Variants in CD81 observed in about 807,000 individuals in gnomAD.
CD81 encodes the protein CD81 antigen.
Under a neutral mutation model 30.1 loss-of-function variants are expected in CD81, and 10 were observed. The ratio of observed to expected loss-of-function variants is 0.33; its 90% CI spans 0.21 to 0.56. The LOEUF (loss-of-function observed/expected upper bound fraction) is 0.56, where lower values mean the gene tolerates loss of function less well. Among genes scored for constraint, CD81 ranks in the 20% least tolerant of loss-of-function variants. The pLI is 0.89. For synonymous variants in CD81, 147 were observed against 126.4 expected (o/e 1.16, Z -1.10); for missense variants, 263 against 308.7 (o/e 0.85, Z 1.11).
chr11:2,379,101 C>T, intron 1 of CD81: 1 of 452,946 alleles, frequency 2.2e-6, no homozygotes, highest in Non-Finnish European at 4.5e-6. Flanking sequence ...GGCCCTGGGA[C>T]CTCAGCCGTT....
rs1195702943 is a variant in CD81 at position 2,377,584 on chromosome 11, AC to A, written c.37del (p.Leu13CysfsTer15). 6.5e-7 allele frequency: 1 copy of A among 1,535,214 alleles called. No homozygotes were observed. The highest frequency in any genetic ancestry group is 8.8e-7 in the Non-Finnish European group (1 of 1,138,482). On this transcript the variant is annotated frameshift_variant, in exon 1 of 8. Transcript: ENST00000263645. LOFTEE classifies it high-confidence loss of function. The surrounding 1 kb of genome is among the most constrained non-coding windows in gnomAD (Gnocchi z 7.7). ...GAGGGCTGCACCAAGTGCATCAAGT[AC>A]CTGCTCTTCGTCTTCAATTTCGTCT... ...GVEGCTKCIK[Y>X]LLFVFNFVFW... is the part of the protein sequence containing the mutation.
chr11:2,395,711 G>C (rs111905443), intron 5 of CD81, 158 bp from the exon 6 acceptor site: 10 of 753,604 alleles, frequency 1.3e-5, no homozygotes, highest in African/African-American at 1.7e-5. Flanking sequence ...GGTGCGGAAA[G>C]CTCTGAGCAG....
rs1428615654 is a variant in CD81 at position 2,395,519 on chromosome 11, C to G, written c.458C>G (p.Thr153Arg). The part of the protein sequence containing the change: ...AKAVVKTFHE[T>R]LDCCGSSTLT... ...GCTGTGGTGAAGACCTTCCACGAGA[C>G]GGTGCGGCCCCGGGGGGCGAGGGCG... Residue 153 changes from threonine to arginine, a missense_variant and splice_region_variant, in exon 5 of 8, where the codon ACG becomes AGG. Coordinates refer to ENST00000263645, the MANE Select transcript of CD81 (RefSeq NM_004356.4). 6.2e-7 allele frequency: 1 copy of G among 1,611,538 alleles called. No individual in the cohort carries two copies. The highest frequency in any genetic ancestry group is 1.7e-5 in the Admixed American group (1 of 60,000).
chr11:2,390,397 C>A lies in CD81; in HGVS notation c.67-15C>A. ...TGCTCTTCGTACATGTGACACTGTT[C>A]CCGCTCTTTCCCAGCTGGCTGGAGG... On this transcript the variant is annotated splice_polypyrimidine_tract_variant and intron_variant, in intron 1 of 7. Transcript: ENST00000263645. 3 of 1,601,730 alleles carry A rather than the reference C, an allele frequency of 1.9e-6. No homozygotes were observed. The highest frequency in any genetic ancestry group is 1.7e-6 in the Non-Finnish European group (2 of 1,170,126).
chr11:2,393,848 A>G lies in CD81; in HGVS notation c.182-247A>G, dbSNP rs1166140142. On this transcript the variant is annotated intron_variant, in intron 2 of 7. Transcript: ENST00000263645. ...CCTGTCGCCAGCACTCAGAGCGCTCATGAGGTGCCCAGTCCCCATGTGGCC... is the reference window on the plus strand; with the variant it reads ...CCTGTCGCCAGCACTCAGAGCGCTCGTGAGGTGCCCAGTCCCCATGTGGCC... The G allele has an allele frequency of 4.8e-5, 32 of 669,754 alleles. No individual in the cohort carries two copies. In the East Asian group the frequency reaches 8.4e-4, roughly 18 times the overall value. The allele number at this position is 669,754 out of a possible 1,614,324, so 41.5% of individuals were successfully genotyped here.
chr11:2,392,655 G>C (rs913124991), intron 2 of CD81: 3 of 152,322 alleles, frequency 2.0e-5, no homozygotes, highest in African/African-American at 7.2e-5. Flanking sequence ...TTCCAGAATC[G>C]GCCTTCTGGA....
At chr11:2,384,334 G>C (rs1224239176) in intron 1 of CD81, among the ~76,000 whole-genome samples, 1 of 137,910 alleles carries the variant, frequency 7.3e-6, no homozygotes, top group Non-Finnish European at 1.6e-5. Flanking sequence ...GTCTCGGGAA[G>C]CGGGGCGTCT....
intron 2 of CD81, among the ~76,000 whole-genome samples, chr11:2,390,898 A>T (rs1174183333): frequency 2.2e-5 from 3 of 136,928 alleles, no homozygotes; most frequent in African/African-American, 8.1e-5. Flanking sequence ...GGAGGGAGGG[A>T]TGGAGCTCAA....
intron 1 of CD81, among the ~76,000 whole-genome samples, chr11:2,388,740 C>G (rs1044913549): frequency 6.6e-6 from 1 of 151,574 alleles, no homozygotes; most frequent in Non-Finnish European, 1.5e-5. Context: ...TGGCCCCCCC[C>G]GGGTGCCTCC....
intron 1 of CD81, chr11:2,385,888 C>A: frequency 1.5e-6 from 1 of 648,854 alleles, no homozygotes; most frequent in Non-Finnish European, 2.9e-6. Flanking sequence ...CTTGTGTGAA[C>A]CTAAGTTCAT....
chr11:2,377,267 G>GA (rs1849609638), upstream of CD81: 1 of 152,130 alleles, frequency 6.6e-6, no homozygotes, highest in South Asian at 1.9e-4. This position sits in a 1 kb window ranked among gnomAD's most constrained non-coding sequence, Gnocchi z 7.7. Flanking sequence ...GGAGGGGCGG[G>GA]ACCGCGGCGC....
chr11:2,384,629 G>A (rs982857883), intron 1 of CD81: 3 of 179,670 alleles, frequency 1.7e-5, no homozygotes, highest in Non-Finnish European at 2.5e-5. Flanking sequence ...GGGCGCCTCC[G>A]GAGGCTGGAG....
At chr11:2,388,547 C>A (rs1476700441) in intron 1 of CD81, among the ~76,000 whole-genome samples, 1 of 152,218 alleles carries the variant, frequency 6.6e-6, no homozygotes, top group Admixed American at 6.5e-5. Context: ...TTCTCTTCTG[C>A]AGTTGACCGG....
At chr11:2,388,218 G>A (rs1291984648) in intron 1 of CD81, among the ~76,000 whole-genome samples, 1 of 152,316 alleles carries the variant, frequency 6.6e-6, no homozygotes, top group East Asian at 1.9e-4. Flanking sequence ...AGCCCCCTCT[G>A]GCCTTATTGT....
Position 2,390,493 on chromosome 11 carries a change from G to A in CD81, c.148G>A (p.Gly50Arg), listed in dbSNP as rs1589850900. Residue 50 changes from glycine to arginine, a missense_variant, in exon 2 of 8, where the codon GGA becomes AGA. By Grantham distance (125) the Gly-to-Arg change is moderately radical. Coordinates refer to ENST00000263645, the MANE Select transcript of CD81 (RefSeq NM_004356.4). ...QTTNLLYLELGDKPAPNTFYV... is the reference protein window; with the variant it reads ...QTTNLLYLELRDKPAPNTFYV... ...CACCAACCTCCTGTATCTGGAGCTGGGAGACAAGCCCGCGCCCAACACCTT... is the reference window on the plus strand; with the variant it reads ...CACCAACCTCCTGTATCTGGAGCTGAGAGACAAGCCCGCGCCCAACACCTT... The A allele has an allele frequency of 1.2e-6, 2 of 1,612,984 alleles. No individual in the cohort carries two copies. Among genetic ancestry groups the A allele is most frequent in the Non-Finnish European group, 1.7e-6 (2 of 1,179,976 alleles).
At chr11:2,376,716 C>T (rs1849598307), upstream of CD81, 1 of 152,344 alleles carries the variant, frequency 6.6e-6, no homozygotes, top group Non-Finnish European at 1.5e-5. Context: ...GATGCAGACT[C>T]CCACAGCATG....
intron 4 of CD81, 30 bp from the exon 5 acceptor site, chr11:2,395,386 C>T (rs761517409): frequency 1.9e-6 from 3 of 1,548,774 alleles, no homozygotes; most frequent in African/African-American, 2.7e-5. Context: ...GGAGGTTCCC[C>T]CTGTGCATGT....
chr11:2,377,118 TGC>T (rs1490864916), upstream of CD81, among the ~76,000 whole-genome samples: 1 of 151,762 alleles, frequency 6.6e-6, no homozygotes, highest in Non-Finnish European at 1.5e-5. This position sits in a 1 kb window ranked among gnomAD's most constrained non-coding sequence, Gnocchi z 7.7. Flanking sequence ...CCCAGCACGG[TGC>T]ACCTGGGCCC....
chr11:2,393,524 C>T lies in CD81; in HGVS notation c.182-571C>T, dbSNP rs114564113. 1,392 of 261,920 alleles carry T rather than the reference C, an allele frequency of 5.3e-3. 24 individuals are homozygous for T. The highest frequency in any genetic ancestry group is 0.029 in the African/African-American group (1,316 of 45,404). 16.2% of individuals were successfully genotyped at this position (261,920 alleles called of 1,614,324 possible). A position where few individuals can be genotyped will look rare whatever the true frequency, so the allele number is the denominator to read the frequency against. ...CCAGGTTCAAATGCAGGTCCCGTAA[C>T]GGAAGTGCTGCTGTGCAGCCCAGAT... is the stretch of plus-strand genomic sequence containing the variant. On this transcript the variant is annotated intron_variant, in intron 2 of 7. Coordinates refer to ENST00000263645, the MANE Select transcript of CD81 (RefSeq NM_004356.4).
Sources: allele counts gnomAD v4.1 joint callset (sites outside exome capture counted in the v4.1 genomes callset), GRCh38; gene constraint gnomAD v4.1.1; non-coding constraint Gnocchi (gnomAD v3.1); transcripts MANE v1.5; gene names NCBI Gene and HGNC (gene_info 2026-07-23, HGNC 2026-07-21).